OGDHL: variants seen among roughly 807,000 people sequenced by gnomAD.
OGDHL encodes the protein 2-oxoglutarate dehydrogenase-like, mitochondrial.
A neutral mutation model predicts 109.6 loss-of-function variants in OGDHL; 79 were observed. That is an observed-to-expected ratio of 0.72 (90% CI 0.60 to 0.87). The LOEUF (loss-of-function observed/expected upper bound fraction) is 0.87, where lower values mean the gene tolerates loss of function less well. OGDHL is among the 40% of genes least tolerant of loss of function. The pLI, the probability that OGDHL is intolerant of heterozygous loss-of-function variation, is 0.00. For missense variants in OGDHL, 1,275 were observed against 1,362.2 expected, an observed-to-expected ratio of 0.94 and a Z score of 1.01; for synonymous variants, 528 against 537.2, an observed-to-expected ratio of 0.98 and a Z score of 0.24.
Position 49,756,856 on chromosome 10 carries a change from A to C in OGDHL, c.295T>G (p.Ser99Ala). Reference protein sequence around the residue: ...RPPSVVHESRSAVSSRTKTSK... With the variant: ...RPPSVVHESRAAVSSRTKTSK... ...GTCTTGGTCCGACTTGAGACTGCAG[A>C]CCTGCTCTCATGGACAACAGAAGGG... is the stretch of plus-strand genomic sequence containing the variant. The change falls in exon 3 of 23, where the codon TCT (serine) becomes GCT (alanine). Residue 99 changes from serine to alanine, a missense_variant. Transcript: ENST00000374103. The C allele has an allele frequency of 6.2e-7, 1 of 1,614,116 alleles. No homozygotes were observed. Among genetic ancestry groups the C allele is most frequent in the East Asian group, 2.2e-5 (1 of 44,876 alleles).
chr10:49,756,098 C>A (rs1366799940), intron 3 of OGDHL, among the ~76,000 whole-genome samples: 1 of 152,238 alleles, frequency 6.6e-6, no homozygotes, highest in African/African-American at 2.4e-5. Flanking sequence ...TGCTAATGCC[C>A]CCCTGTACCC....
At position 49,747,154 on chromosome 10, in the gene OGDHL, C is replaced by A. The variant is rs1168841429; in HGVS notation, c.1042G>T (p.Val348Phe). ...GACAGAGTGATGTTCCGGTTGGTGA[C>A]GCGGTTGATCCTCTCATGGTACATG... ...LGMYHERINR[V>F]TNRNITLSLV... Residue 348 changes from valine (V) to phenylalanine (F), a missense_variant, in exon 9 of 23, where the codon GTC becomes TTC. By Grantham distance (50) the Val-to-Phe change is conservative. Transcript: ENST00000374103. 9 of 1,614,094 alleles carry A rather than the reference C, an allele frequency of 5.6e-6. No homozygotes were observed. The highest frequency in any genetic ancestry group is 7.6e-6 in the Non-Finnish European group (9 of 1,180,032).
chr10:49,744,518 G>A, intron 13 of OGDHL, 132 bp downstream of exon 13: 1 of 697,902 alleles, frequency 1.4e-6, no homozygotes, highest in Non-Finnish European at 2.4e-6. Context: ...CAGCTTTGGG[G>A]ACTCAGTGAT....
chr10:49,742,278 AAC>A (rs1380535769), intron 15 of OGDHL, among the ~76,000 whole-genome samples: 2 of 127,374 alleles, frequency 1.6e-5, no homozygotes, highest in East Asian at 2.6e-4. Context: ...CTCAACACAC[AAC>A]ACACACCACA....
intron 3 of OGDHL, among the ~76,000 whole-genome samples, chr10:49,755,921 G>A (rs1842888165): frequency 6.6e-6 from 1 of 152,178 alleles, no homozygotes; most frequent in Non-Finnish European, 1.5e-5. Flanking sequence ...ATACACAATA[G>A]CTGCTGTTTG....
chr10:49,738,379 A>C, intron 17 of OGDHL, 117 bp from the exon 18 acceptor site: 1 of 1,005,114 alleles, frequency 9.9e-7, no homozygotes, highest in South Asian at 1.4e-5. Flanking sequence ...AGGTGCCCTC[A>C]CCCTGGAGCC....
chr10:49,740,666 A>C, intron 16 of OGDHL, 44 bp downstream of exon 16: 1 of 1,593,404 alleles, frequency 6.3e-7, no homozygotes, highest in Non-Finnish European at 8.6e-7. Flanking sequence ...TCTTGTCCCC[A>C]GGTGTCTGGG....
rs370578350 is a variant in OGDHL, at chr10:49,735,331, G to A, written c.2930C>T (p.Ala977Val). 42 of 1,613,314 alleles carry A rather than the reference G, an allele frequency of 2.6e-5. No individual in the cohort carries two copies. Among genetic ancestry groups the A allele is most frequent in the African/African-American group, 1.2e-4 (9 of 75,048 alleles). ...RPIWYVGRDPAAAPATGNRNT... is the reference protein window; with the variant it reads ...RPIWYVGRDPVAAPATGNRNT... ...CCTGTTTCCTGTGGCTGGTGCAGCC[G>A]CTGGGTCCCGGCCAACATACCTGGA... Residue 977 changes from alanine (A) to valine (V), a missense_variant, in exon 23 of 23, where the codon GCG (alanine) becomes GTG (valine). By Grantham distance (64) the Ala-to-Val change is moderately conservative. Coordinates refer to ENST00000374103, the MANE Select transcript of OGDHL (RefSeq NM_018245.3).
Position 49,734,843 on chromosome 10 carries a change from C to A in OGDHL, c.*385G>T, listed in dbSNP as rs569976097. Reference sequence around the variant, plus strand: ...CTTCTAAGAGCACAGAAGAGAACATCGCTTTGAATCTACAGATAAGCGAGG... The same window carrying A: ...CTTCTAAGAGCACAGAAGAGAACATAGCTTTGAATCTACAGATAAGCGAGG... On this transcript the variant is annotated 3_prime_UTR_variant, in exon 23 of 23. Transcript: ENST00000374103. The A allele has an allele frequency of 8.6e-5, 14 of 162,648 alleles. No individual in the cohort carries two copies. The South Asian group carries it at 2.6e-3, about 31-fold the overall frequency. 10.1% of individuals were successfully genotyped at this position (162,648 alleles called of 1,614,324 possible).
chr10:49,760,881 A>G (rs1414692332), intron 1 of OGDHL, among the ~76,000 whole-genome samples: 1 of 152,080 alleles, frequency 6.6e-6, no homozygotes, highest in Admixed American at 6.5e-5. Context: ...TGCCAGCGCC[A>G]CTCCCACCCC....
Position 49,745,349 on chromosome 10 carries a change from A to G in OGDHL, c.1624T>C (p.Phe542Leu). 6.2e-7 allele frequency: 1 copy of G among 1,612,714 alleles called. No individual in the cohort carries two copies. The highest frequency in any genetic ancestry group is 8.5e-7 in the Non-Finnish European group (1 of 1,179,768). Residue 542 changes from phenylalanine (F) to leucine (L), a missense_variant, in exon 12 of 23, where the codon TTT (phenylalanine) becomes CTT (leucine). By Grantham distance (22) the Phe-to-Leu change is conservative. Coordinates refer to ENST00000374103, the MANE Select transcript of OGDHL (RefSeq NM_018245.3). ...IAEGTVTLQE[F>L]EEEIAKYDRI... ...CCTGCAGCCTGCCTGCCCACCTCAAACTCCTGCAGGGTGACTGTGCCCTCG... is the reference window on the plus strand; with the variant it reads ...CCTGCAGCCTGCCTGCCCACCTCAAGCTCCTGCAGGGTGACTGTGCCCTCG...
chr10:49,759,676 T>G (rs1473355728), intron 1 of OGDHL, among the ~76,000 whole-genome samples: 1 of 152,114 alleles, frequency 6.6e-6, no homozygotes, highest in Non-Finnish European at 1.5e-5. Context: ...TTCCCCACCC[T>G]ACAACTGTGA....
chr10:49,749,999 A>ATGCTTTCT (rs1047971794), intron 7 of OGDHL, among the ~76,000 whole-genome samples, 183 bp from the exon 8 acceptor site: 4 of 152,052 alleles, frequency 2.6e-5, no homozygotes, highest in African/African-American at 9.7e-5. Flanking sequence ...TTAAAGCCCC[A>ATGCTTTCT]TGCTTTCTTG....
chr10:49,743,440 G>A (rs1841944618), intron 14 of OGDHL: 1 of 175,750 alleles, frequency 5.7e-6, no homozygotes, highest in East Asian at 1.6e-4. Flanking sequence ...TCCCCCAGGT[G>A]GGTCAGAGGG....
At chr10:49,746,662 AG>A in intron 10 of OGDHL, 87 bp downstream of exon 10, 1 of 1,538,620 alleles carries the variant, frequency 6.5e-7, no homozygotes, top group Non-Finnish European at 8.9e-7. Context: ...GCTCAGAGCC[AG>A]GAGCATCTCA....
At chr10:49,742,719 G>T in intron 15 of OGDHL, 109 bp downstream of exon 15, 1 of 1,375,654 alleles carries the variant, frequency 7.3e-7, no homozygotes, top group Non-Finnish European at 9.8e-7. Flanking sequence ...GCAGGGGCTA[G>T]GGATGCTGTG....
At chr10:49,742,570 A>AC (rs968672651) in intron 15 of OGDHL, among the ~76,000 whole-genome samples, 4 of 123,144 alleles carry the variant, frequency 3.2e-5, no homozygotes, top group Non-Finnish European at 7.0e-5. Context: ...CTCACCACAC[A>AC]CCCCCCACAC....
At chr10:49,757,635 G>A (rs1189937506) in intron 2 of OGDHL, among the ~76,000 whole-genome samples, 1 of 152,200 alleles carries the variant, frequency 6.6e-6, no homozygotes, top group Non-Finnish European at 1.5e-5. Flanking sequence ...AGGAATAGGG[G>A]TGGCACATAC....
chr10:49,743,063 A>G, intron 14 of OGDHL, 85 bp from the exon 15 acceptor site: 1 of 1,487,514 alleles, frequency 6.7e-7, no homozygotes, highest in South Asian at 1.3e-5. Flanking sequence ...CACCCCGCAC[A>G]AAGCAGGGCA....
Sources: gnomAD v4.1 joint callset for allele counts (sites outside exome capture counted in the v4.1 genomes callset) on GRCh38, gnomAD v4.1.1 for gene constraint, MANE v1.5 for transcripts, NCBI Gene and HGNC (gene_info 2026-07-23, HGNC 2026-07-21) for gene names.